Variants in KCNIP4 observed in about 807,000 individuals in gnomAD.
KCNIP4 encodes the protein potassium voltage-gated channel interacting protein 4, also known as Kv channel-interacting protein 4.
Under a neutral mutation model 34.0 loss-of-function variants are expected in KCNIP4, and 12 were observed. That is an observed-to-expected ratio of 0.35 (90% confidence interval 0.23 to 0.57). The LOEUF is 0.57. Ranked by LOEUF, KCNIP4 falls within the 20% of genes least tolerant of loss-of-function variation. The pLI, the probability that KCNIP4 is intolerant of heterozygous loss-of-function variation, is 0.83. For missense variants in KCNIP4, 238 were observed against 311.7 expected (o/e 0.76, Z 1.78); for synonymous variants, 124 against 102.2 (o/e 1.21, Z -1.29).
chr4:21,242,561 C>A (rs1263730250), intron 1 of KCNIP4, among the ~76,000 whole-genome samples: 1 of 152,112 alleles, frequency 6.6e-6, no homozygotes, highest in Non-Finnish European at 1.5e-5. Context: ...AGATTGCCAC[C>A]TCCAATGTGT....
chr4:20,856,544 T>C (rs561913963), intron 2 of KCNIP4, among the ~76,000 whole-genome samples: 2 of 152,154 alleles, frequency 1.3e-5, no homozygotes, highest in Non-Finnish European at 2.9e-5. Context: ...AAGATCAATA[T>C]CTTACATGTC....
At chr4:21,566,913 G>A (rs1739939860) in intron 1 of KCNIP4, among the ~76,000 whole-genome samples, 1 of 152,050 alleles carries the variant, frequency 6.6e-6, no homozygotes, top group Non-Finnish European at 1.5e-5. Flanking sequence ...ACTGCAAAAG[G>A]TAACACATCA....
At chr4:20,846,520 T>C (rs1720399459) in intron 3 of KCNIP4, among the ~76,000 whole-genome samples, 1 of 152,204 alleles carries the variant, frequency 6.6e-6, no homozygotes, top group African/African-American at 2.4e-5. Context: ...TTCTGTTCAC[T>C]GTCTGTTATA....
chr4:20,956,036 C>T (rs187918421), intron 1 of KCNIP4, among the ~76,000 whole-genome samples: 12 of 152,178 alleles, frequency 7.9e-5, no homozygotes, highest in African/African-American at 2.4e-4. Flanking sequence ...GACCTTCTAA[C>T]GCCTATCACT....
At chr4:21,081,201 G>C (rs1264037042) in intron 1 of KCNIP4, among the ~76,000 whole-genome samples, 1 of 151,762 alleles carries the variant, frequency 6.6e-6, no homozygotes, top group Non-Finnish European at 1.5e-5. Context: ...TCTCCAGTAA[G>C]AATGCAGTTG....
At chr4:21,509,109 T>G (rs536371267) in intron 1 of KCNIP4, among the ~76,000 whole-genome samples, 179 of 152,274 alleles carry the variant, frequency 1.2e-3, no homozygotes, top group African/African-American at 4.1e-3. Flanking sequence ...TATTTAATAT[T>G]ATTGTTATAT....
intron 3 of KCNIP4, among the ~76,000 whole-genome samples, chr4:20,789,277 A>G (rs550308588): frequency 2.2e-4 from 33 of 152,292 alleles, no homozygotes; most frequent in African/African-American, 7.5e-4. Flanking sequence ...GGCCATTTTT[A>G]TCCTCTAAGA....
chr4:21,386,223 AAG>A (rs1356753602), intron 1 of KCNIP4, among the ~76,000 whole-genome samples: 1 of 152,180 alleles, frequency 6.6e-6, no homozygotes, highest in African/African-American at 2.4e-5. Flanking sequence ...TTAGACAATA[AAG>A]AGAAATTGAA....
At chr4:21,009,034 A>C (rs1353405945) in intron 1 of KCNIP4, among the ~76,000 whole-genome samples, 1 of 152,188 alleles carries the variant, frequency 6.6e-6, no homozygotes, top group Non-Finnish European at 1.5e-5. Flanking sequence ...TCTTTCACAA[A>C]TAATACAGAG....
chr4:20,921,092 T>C (rs1312441104), intron 1 of KCNIP4, among the ~76,000 whole-genome samples: 2 of 152,150 alleles, frequency 1.3e-5, no homozygotes, highest in African/African-American at 2.4e-5. Context: ...AGGGGTTGTT[T>C]CTACAGTCCA....
intron 1 of KCNIP4, among the ~76,000 whole-genome samples, chr4:21,123,145 C>T (rs775799285): frequency 1.8e-4 from 28 of 151,916 alleles, no homozygotes; most frequent in Non-Finnish European, 2.6e-4. Context: ...ACCTGGAAGG[C>T]GGAGTTTGCA....
intron 1 of KCNIP4, among the ~76,000 whole-genome samples, chr4:21,155,292 G>C (rs560304317): frequency 6.6e-6 from 1 of 152,166 alleles, no homozygotes; most frequent in African/African-American, 2.4e-5. Context: ...AATCCTAACT[G>C]ATAAATGGCC....
intron 1 of KCNIP4, among the ~76,000 whole-genome samples, chr4:20,910,052 A>T (rs1321454026): frequency 6.6e-6 from 1 of 152,222 alleles, no homozygotes. Flanking sequence ...CGATCACTGT[A>T]ACCCCAAAAT....
intron 1 of KCNIP4, among the ~76,000 whole-genome samples, chr4:21,172,105 G>A (rs1754061127): frequency 1.3e-5 from 2 of 152,122 alleles, no homozygotes; most frequent in South Asian, 4.1e-4. Flanking sequence ...TTGGCTCACT[G>A]CAACCTCTGC....
intron 3 of KCNIP4, among the ~76,000 whole-genome samples, chr4:20,830,366 C>A (rs896438442): frequency 9.2e-5 from 14 of 152,304 alleles, no homozygotes; most frequent in Middle Eastern, 3.4e-3. Flanking sequence ...GAATTCTGGT[C>A]TACCTAGCTG....
intron 1 of KCNIP4, among the ~76,000 whole-genome samples, chr4:21,686,369 C>A (rs181375379): frequency 2.0e-5 from 3 of 151,928 alleles, no homozygotes; most frequent in African/African-American, 7.3e-5. Flanking sequence ...ACAGCCAAGG[C>A]GGTATCTGTT....
chr4:20,899,879 A>G (rs1346244244), intron 1 of KCNIP4, among the ~76,000 whole-genome samples: 2 of 152,202 alleles, frequency 1.3e-5, no homozygotes, highest in Non-Finnish European at 2.9e-5. Context: ...TCCCTGTGTA[A>G]TTCACTCTGA....
chr4:21,892,943 AT>A (rs1324414121), intron 1 of KCNIP4, among the ~76,000 whole-genome samples: 1 of 152,156 alleles, frequency 6.6e-6, no homozygotes, highest in Non-Finnish European at 1.5e-5. Flanking sequence ...GCTTTGGGCC[AT>A]TGATTTAGAA....
At chr4:21,575,717 A>G (rs947917997) in intron 1 of KCNIP4, among the ~76,000 whole-genome samples, 3 of 152,232 alleles carry the variant, frequency 2.0e-5, no homozygotes, top group African/African-American at 7.2e-5. Flanking sequence ...TCTTCGTGTG[A>G]TAGTTTATAA....
Sources: gnomAD v4.1 joint callset for allele counts (sites outside exome capture counted in the v4.1 genomes callset) on GRCh38, gnomAD v4.1.1 for gene constraint, MANE v1.5 for transcripts, NCBI Gene and HGNC (gene_info 2026-07-23, HGNC 2026-07-21) for gene names.